The following MPPED1 variants were observed in gnomAD, a reference collection of about 807,000 sequenced individuals.
The protein encoded by MPPED1 is metallophosphoesterase domain containing 1, also known as metallophosphoesterase domain-containing protein 1.
MPPED1 carries 16 observed loss-of-function variants against 36.2 expected under a neutral mutation model. The observed-to-expected ratio is 0.44, with a 90% CI of 0.30 to 0.67. The LOEUF is 0.67. Among genes scored for constraint, MPPED1 ranks in the 30% least tolerant of loss-of-function variants. The pLI is 0.10. For missense variants in MPPED1, 307 were observed against 453.4 expected, an observed-to-expected ratio of 0.68 and a Z score of 2.93; for synonymous variants, 199 against 191.3, an observed-to-expected ratio of 1.04 and a Z score of -0.33.
intron 3 of MPPED1, among the ~76,000 whole-genome samples, chr22:43,462,624 C>T (rs1306862443): frequency 6.6e-6 from 1 of 152,168 alleles, no homozygotes; most frequent in Non-Finnish European, 1.5e-5. Flanking sequence ...CTTATATTTT[C>T]ATGTGTCCAT....
At chr22:43,486,716 G>A (rs1268063832) in intron 4 of MPPED1, among the ~76,000 whole-genome samples, 2 of 152,004 alleles carry the variant, frequency 1.3e-5, no homozygotes, top group Non-Finnish European at 1.5e-5. Context: ...CTGCACCCCG[G>A]GAAATGGGGG....
At position 43,432,669 on chromosome 22, in the gene MPPED1, AG is replaced by A. The variant is rs1929770886; in HGVS notation, c.225-2364del. Among the ~76,000 whole-genome samples, 5 of 14,346 alleles carry A rather than the reference AG, an allele frequency of 3.5e-4. 1 individual carries two copies. The highest frequency in any genetic ancestry group is 5.7e-4 in the Admixed American group (1 of 1,756). The allele number at this position is 14,346 out of a possible 152,430, so 9.4% of individuals were successfully genotyped here. A position where few individuals can be genotyped will look rare whatever the true frequency, so the allele number is the denominator to read the frequency against. ...GGAAAGAGAAAGGGAGGAGAGAGAG[AG>A]AAAGGGAGGAGAGAGAGAGAAAGGG... On this transcript the variant is annotated intron_variant, in intron 2 of 6. Transcript: ENST00000443721.
chr22:43,434,948 G>A lies in MPPED1; in HGVS notation c.225-86G>A, dbSNP rs778515642. The A allele has an allele frequency of 1.7e-5, 24 of 1,398,840 alleles. 1 individual carries two copies. In the Middle Eastern group the frequency reaches 1.1e-3, roughly 65 times the overall value. The allele number at this position is 1,398,840 out of a possible 1,614,324, so 86.7% of individuals were successfully genotyped here. ...CTGAGCGGGATTGATGGGGCTGTGA[G>A]CTGTGGTGGATGGGGCTGCAGACAC... is the stretch of plus-strand genomic sequence containing the variant. On this transcript the variant is annotated intron_variant, in intron 2 of 6. Transcript: ENST00000443721.
intron 3 of MPPED1, among the ~76,000 whole-genome samples, chr22:43,463,673 T>G (rs536288720): frequency 6.6e-6 from 1 of 152,322 alleles, no homozygotes; most frequent in East Asian, 1.9e-4. Context: ...AATATTTTAT[T>G]ATCTCACCAA....
chr22:43,458,195 TCATTAACAGTC>T (rs572283657), intron 3 of MPPED1, among the ~76,000 whole-genome samples: 6 of 152,332 alleles, frequency 3.9e-5, no homozygotes, highest in African/African-American at 1.2e-4. Context: ...TGCATCTCTG[TCATTAACAGTC>T]CATGACTGTA....
chr22:43,493,051 A>G (rs1274762684), intron 4 of MPPED1, among the ~76,000 whole-genome samples: 1 of 152,156 alleles, frequency 6.6e-6, no homozygotes, highest in African/African-American at 2.4e-5. Flanking sequence ...AAACAATGAA[A>G]AGGCCTTTGA....
chr22:43,436,473 G>A (rs1266364996), intron 3 of MPPED1, among the ~76,000 whole-genome samples: 1 of 152,264 alleles, frequency 6.6e-6, no homozygotes, highest in Non-Finnish European at 1.5e-5. Flanking sequence ...CTTCCCTTCT[G>A]TTTGGCAGGC....
intron 3 of MPPED1, among the ~76,000 whole-genome samples, chr22:43,461,938 G>A (rs1569077548): frequency 2.0e-5 from 3 of 152,302 alleles, no homozygotes. Context: ...CCGGGGAGGT[G>A]GCTGAAGTTC....
chr22:43,442,510 G>A (rs1030441657), intron 3 of MPPED1, among the ~76,000 whole-genome samples: 1 of 152,202 alleles, frequency 6.6e-6, no homozygotes, highest in Non-Finnish European at 1.5e-5. Context: ...CCGCCCCTGT[G>A]CGGGGCTGCT....
chr22:43,424,120 T>C (rs1457531434), intron 1 of MPPED1, among the ~76,000 whole-genome samples: 1 of 152,168 alleles, frequency 6.6e-6, no homozygotes, highest in Non-Finnish European at 1.5e-5. Context: ...GTGAAAAAGA[T>C]TTGAAAAATA....
chr22:43,495,158 G>C (rs888352507), intron 4 of MPPED1, among the ~76,000 whole-genome samples: 2 of 151,480 alleles, frequency 1.3e-5, no homozygotes, highest in African/African-American at 4.9e-5. Context: ...TGGAGGTGCT[G>C]GTAGTGATGA....
At chr22:43,465,895 G>A (rs1449693305) in intron 3 of MPPED1, among the ~76,000 whole-genome samples, 3 of 152,178 alleles carry the variant, frequency 2.0e-5, no homozygotes, top group Non-Finnish European at 4.4e-5. Flanking sequence ...TGGGGAAGCC[G>A]GGGGCCACCA....
At chr22:43,476,469 A>C (rs1931581654) in intron 4 of MPPED1, among the ~76,000 whole-genome samples, 1 of 152,160 alleles carries the variant, frequency 6.6e-6, no homozygotes, top group Admixed American at 6.5e-5. Flanking sequence ...CTTTAGAGGC[A>C]CAAAGGGCTT....
intron 4 of MPPED1, among the ~76,000 whole-genome samples, chr22:43,487,063 A>G (rs1931935411): frequency 6.6e-6 from 1 of 152,126 alleles, no homozygotes; most frequent in East Asian, 1.9e-4. Context: ...TGTCGGGTAG[A>G]GCACCTGCTT....
intron 3 of MPPED1, among the ~76,000 whole-genome samples, chr22:43,449,789 T>G (rs1360518273): frequency 2.0e-5 from 3 of 152,140 alleles, no homozygotes; most frequent in Non-Finnish European, 4.4e-5. Flanking sequence ...GTTTTATCAT[T>G]TGGAAAATGG....
At chr22:43,427,729 G>C (rs1929526828) in intron 2 of MPPED1, among the ~76,000 whole-genome samples, 1 of 152,100 alleles carries the variant, frequency 6.6e-6, no homozygotes, top group Non-Finnish European at 1.5e-5. Flanking sequence ...ATGCTGCTTG[G>C]TGCCTCAGTT....
At chr22:43,486,061 G>T (rs1371018652) in intron 4 of MPPED1, among the ~76,000 whole-genome samples, 1 of 152,238 alleles carries the variant, frequency 6.6e-6, no homozygotes, top group Non-Finnish European at 1.5e-5. Context: ...CTCTCACCAG[G>T]ACTGGGCAGA....
At chr22:43,427,715 G>T (rs1929526517) in intron 2 of MPPED1, among the ~76,000 whole-genome samples, 2 of 152,134 alleles carry the variant, frequency 1.3e-5, no homozygotes, top group Non-Finnish European at 2.9e-5. Flanking sequence ...CTTGGATGGG[G>T]TTCATGCTGC....
In MPPED1 at chr22:43,435,115, G is replaced by T. The variant is rs761143521; in HGVS notation, c.306G>T (p.Thr102=). 1 of 1,613,864 alleles carries T rather than the reference G, an allele frequency of 6.2e-7. No individual in the cohort carries two copies. The highest frequency in any genetic ancestry group is 1.1e-5 in the South Asian group (1 of 91,086). The part of the protein sequence containing the change: ...FVCVSDTHSR[T]DPIQMPYGDV... Reference sequence around the variant, plus strand: ...GCGTCTCTGATACCCACTCGAGGACGGACCCCATCCAGATGCCGTACGGCG... The same window carrying T: ...GCGTCTCTGATACCCACTCGAGGACTGACCCCATCCAGATGCCGTACGGCG... The change falls in exon 3 of 7, where the codon ACG becomes ACT. Residue 102 remains threonine (T), a synonymous_variant. Coordinates refer to ENST00000443721, the MANE Select transcript of MPPED1 (RefSeq NM_001044370.2).
Sources: gnomAD v4.1 joint callset for allele counts (sites outside exome capture counted in the v4.1 genomes callset) on GRCh38, gnomAD v4.1.1 for gene constraint, MANE v1.5 for transcripts, NCBI Gene and HGNC (gene_info 2026-07-23, HGNC 2026-07-21) for gene names.